The following CUBN variants were observed in gnomAD, a reference collection of about 807,000 sequenced individuals.
CUBN encodes the protein cubilin.
CUBN carries 282 observed loss-of-function variants against 405.3 expected under a neutral mutation model. The ratio of observed to expected loss-of-function variants is 0.70; its 90% CI spans 0.63 to 0.77. The LOEUF is 0.77. Among genes scored for constraint, CUBN ranks in the 30% least tolerant of loss-of-function variants. The pLI is 0.00. For synonymous variants in CUBN, 1,684 were observed against 1,617.0 expected, an observed-to-expected ratio of 1.04 and a Z score of -0.99; for missense variants, 4,514 against 4,475.2, an observed-to-expected ratio of 1.01 and a Z score of -0.25.
intron 45 of CUBN, among the ~76,000 whole-genome samples, chr10:16,917,487 G>A (rs532365129): frequency 9.2e-5 from 14 of 152,266 alleles, no homozygotes; most frequent in Middle Eastern, 3.4e-3. Flanking sequence ...GAAAAGTTAT[G>A]TAAATGTGGT....
chr10:16,874,373 C>T lies in CUBN; in HGVS notation c.9236+1G>A, dbSNP rs1840442794. 2 of 1,614,004 alleles carry T rather than the reference C, an allele frequency of 1.2e-6. No homozygotes were observed. Among genetic ancestry groups the T allele is most frequent in the African/African-American group, 1.3e-5 (1 of 74,920 alleles). ...TAAGAAAGCCAATTTGTCTTACGTA[C>T]TTGAGCTCGATCACCTTGTCGTCAC... On this transcript the variant is annotated splice_donor_variant, in intron 58 of 66. Transcript: ENST00000377833. LOFTEE classifies it high-confidence loss of function.
rs944101030 is a variant in CUBN at position 16,840,330 on chromosome 10, C to T, written c.10032G>A (p.Gln3344=). ...QNYLQLQDSP[Q]GHGNSRFQFC... ...CTGCCATTCATCTTATAATTGTTAC[C>T]TGCGGTGAGTCCTGAAGCTGTAAGT... Residue 3344 remains glutamine, a splice_region_variant and synonymous_variant, in exon 62 of 67, where the codon CAG becomes CAA. Coordinates refer to ENST00000377833, the MANE Select transcript of CUBN (RefSeq NM_001081.4). The T allele has an allele frequency of 4.3e-6, 7 of 1,613,454 alleles. No homozygotes were observed. Among genetic ancestry groups the T allele is most frequent in the Non-Finnish European group, 5.1e-6 (6 of 1,179,540 alleles).
chr10:17,052,326 A>C (rs569653488), intron 22 of CUBN, among the ~76,000 whole-genome samples: 1 of 152,364 alleles, frequency 6.6e-6, no homozygotes, highest in East Asian at 1.9e-4. Context: ...AACAGAAAAT[A>C]TCTCCAAGAA....
At chr10:16,890,805 C>T (rs561432514) in intron 54 of CUBN, among the ~76,000 whole-genome samples, 1 of 152,212 alleles carries the variant, frequency 6.6e-6, no homozygotes, top group African/African-American at 2.4e-5. Flanking sequence ...GATCACTGTT[C>T]GGTTTCCTCA....
At chr10:16,830,461 A>C (rs144076503) in intron 65 of CUBN, among the ~76,000 whole-genome samples, 130 of 152,242 alleles carry the variant, frequency 8.5e-4, no homozygotes, top group African/African-American at 2.9e-3. Flanking sequence ...ACATGACTTA[A>C]ATTTTCTTTA....
At chr10:17,012,124 A>T (rs1431521681) in intron 28 of CUBN, among the ~76,000 whole-genome samples, 1 of 152,156 alleles carries the variant, frequency 6.6e-6, no homozygotes, top group African/African-American at 2.4e-5. Flanking sequence ...AGTTGAGCTC[A>T]TTTGGGGTTC....
chr10:17,101,661 A>G (rs764494340), intron 13 of CUBN, among the ~76,000 whole-genome samples: 1 of 152,186 alleles, frequency 6.6e-6, no homozygotes, highest in Non-Finnish European at 1.5e-5. Flanking sequence ...ATGCCTGGGT[A>G]ATTAATGTCG....
At chr10:17,116,130 G>A (rs545506255) in intron 6 of CUBN, among the ~76,000 whole-genome samples, 42 of 152,248 alleles carry the variant, frequency 2.8e-4, no homozygotes, top group African/African-American at 5.8e-4. Context: ...CATAAAAAGC[G>A]TAGTTATATA....
At chr10:17,084,100 G>C (rs909936979) in intron 17 of CUBN, among the ~76,000 whole-genome samples, 171 bp downstream of exon 17, 6 of 152,070 alleles carry the variant, frequency 3.9e-5, no homozygotes, top group African/African-American at 1.2e-4. Flanking sequence ...CATCCTATCA[G>C]CCTTATTTGC....
chr10:17,011,071 C>T (rs1393761817), intron 28 of CUBN, among the ~76,000 whole-genome samples: 1 of 152,204 alleles, frequency 6.6e-6, no homozygotes, highest in African/African-American at 2.4e-5. Flanking sequence ...TGGAACTCCA[C>T]TTCTCTTTCC....
At chr10:16,965,891 T>C (rs1172016275) in intron 31 of CUBN, 1 of 454,952 alleles carries the variant, frequency 2.2e-6, no homozygotes, top group Non-Finnish European at 4.5e-6. Flanking sequence ...TCTGAAAACA[T>C]ACATGACTTG....
At chr10:17,116,855 C>G (rs1243691466) in intron 6 of CUBN, among the ~76,000 whole-genome samples, 1 of 152,166 alleles carries the variant, frequency 6.6e-6, no homozygotes, top group African/African-American at 2.4e-5. Context: ...CAGGGAGCAC[C>G]ATCCATGCAT....
At chr10:16,940,472 C>T (rs1197779299) in intron 36 of CUBN, among the ~76,000 whole-genome samples, 1 of 151,958 alleles carries the variant, frequency 6.6e-6, no homozygotes, top group African/African-American at 2.4e-5. Flanking sequence ...TCCTAGTGGG[C>T]AAAACTGGAC....
chr10:16,903,759 A>G (rs980465408), intron 51 of CUBN, among the ~76,000 whole-genome samples: 1 of 149,648 alleles, frequency 6.7e-6, no homozygotes, highest in African/African-American at 2.4e-5. Flanking sequence ...AAAATTAAAT[A>G]ATAATTTTAA....
intron 65 of CUBN, among the ~76,000 whole-genome samples, chr10:16,830,197 G>A (rs530903624): frequency 2.0e-5 from 3 of 152,120 alleles, no homozygotes; most frequent in Non-Finnish European, 4.4e-5. Context: ...TGGTCTCCCA[G>A]GGATTATAGG....
At chr10:16,856,053 G>A (rs1839860845) in intron 59 of CUBN, among the ~76,000 whole-genome samples, 1 of 152,152 alleles carries the variant, frequency 6.6e-6, no homozygotes, top group South Asian at 2.1e-4. Context: ...TGTTTCAATG[G>A]TGGGGGAATA....
At chr10:17,096,626 T>C (rs1160938429) in intron 14 of CUBN, among the ~76,000 whole-genome samples, 3 of 152,210 alleles carry the variant, frequency 2.0e-5, no homozygotes, top group African/African-American at 7.2e-5. Context: ...AGAAATTTAA[T>C]ATTTGAAAAA....
At position 16,890,460 on chromosome 10, in the gene CUBN, C is replaced by A; in HGVS notation, c.8666G>T (p.Gly2889Val). Residue 2889 changes from glycine to valine, a missense_variant, in exon 55 of 67, where the codon GGT (glycine) becomes GTT (valine). Coordinates refer to ENST00000377833, the MANE Select transcript of CUBN (RefSeq NM_001081.4). ...TGTGTTACTTGGTGTGATAACGGGA[C>A]CCGGAGCCACGTTCCCACAGCCAGT... ...LATGCGNVAP[G>V]PVITPSNTFT... 1 of 1,614,158 alleles carries A rather than the reference C, an allele frequency of 6.2e-7. No homozygotes were observed. The highest frequency in any genetic ancestry group is 8.5e-7 in the Non-Finnish European group (1 of 1,180,022).
At chr10:16,965,282 C>T (rs760074566) in intron 31 of CUBN, among the ~76,000 whole-genome samples, 21 of 152,194 alleles carry the variant, frequency 1.4e-4, no homozygotes, top group Non-Finnish European at 2.5e-4. Context: ...GCACAGCGTG[C>T]GCTTTCTAAA....
Sources: allele counts gnomAD v4.1 joint callset (sites outside exome capture counted in the v4.1 genomes callset), GRCh38; gene constraint gnomAD v4.1.1; transcripts MANE v1.5; gene names NCBI Gene and HGNC (gene_info 2026-07-23, HGNC 2026-07-21).